Variants in ELMO1 observed in about 807,000 individuals in gnomAD.
ELMO1 encodes the protein engulfment and cell motility 1, also known as engulfment and cell motility protein 1.
In ELMO1, 26 loss-of-function variants were observed where a neutral mutation model predicts 98.9. That is an observed-to-expected ratio of 0.26 (90% CI 0.19 to 0.36). The LOEUF is 0.36. Ranked by LOEUF, ELMO1 falls within the 10% of genes least tolerant of loss-of-function variation. ELMO1 has a pLI of 1.00. For synonymous variants in ELMO1, 346 were observed against 346.0 expected, an observed-to-expected ratio of 1.00 and a Z score of 0.00; for missense variants, 627 against 935.2, an observed-to-expected ratio of 0.67 and a Z score of 4.30.
chr7:37,135,096 C>T lies in ELMO1; in HGVS notation c.1087-1862G>A, dbSNP rs769587367. Among the ~76,000 whole-genome samples the T allele has an allele frequency of 1.1e-4, 17 of 151,912 alleles. No homozygotes were observed. In the South Asian group the frequency reaches 1.7e-3, roughly 15 times the overall value. ...ACAAATATGCCTAAGAGGAGAAGGC[C>T]GGGCTGATCTGAACTCTCCATCTAC... is the stretch of plus-strand genomic sequence containing the variant. On this transcript the variant is annotated intron_variant, in intron 13 of 21. Coordinates refer to ENST00000310758, the MANE Select transcript of ELMO1 (RefSeq NM_014800.11).
At chr7:37,072,411 T>G (rs1797327184) in intron 15 of ELMO1, among the ~76,000 whole-genome samples, 1 of 152,062 alleles carries the variant, frequency 6.6e-6, no homozygotes, top group Non-Finnish European at 1.5e-5. Context: ...GCCATCCACG[T>G]ACGATGTGAC....
chr7:37,381,241 C>T (rs1359209538), intron 1 of ELMO1, among the ~76,000 whole-genome samples: 1 of 152,238 alleles, frequency 6.6e-6, no homozygotes, highest in Non-Finnish European at 1.5e-5. Context: ...AGAGTGAGAA[C>T]TGATCCCAGA....
rs1232150519 is a variant in ELMO1 at position 37,077,847 on chromosome 7, A to T, written c.1300+18772T>A. 2.0e-5 allele frequency among the ~76,000 whole-genome samples: 3 copies of T among 152,196 alleles called. No individual in the cohort carries two copies. In the East Asian group the frequency reaches 5.8e-4, roughly 29 times the overall value. On this transcript the variant is annotated intron_variant, in intron 15 of 21. Transcript: ENST00000310758. Reference sequence around the variant, plus strand: ...CTTCCAGTCTAACCCACTGTTAGGGAGAAATGATCCAGAGCATACGAGCAA... The same window carrying T: ...CTTCCAGTCTAACCCACTGTTAGGGTGAAATGATCCAGAGCATACGAGCAA...
At chr7:36,868,323 TCTG>T (rs201437575) in intron 20 of ELMO1, among the ~76,000 whole-genome samples, 1,406 of 133,556 alleles carry the variant, frequency 0.011, 25 homozygotes, top group African/African-American at 0.039. Context: ...TCCGCTTTGT[TCTG>T]CTTCTTCTTC....
chr7:36,919,072 G>A (rs1445803260), intron 16 of ELMO1, among the ~76,000 whole-genome samples: 1 of 152,106 alleles, frequency 6.6e-6, no homozygotes, highest in East Asian at 1.9e-4. Flanking sequence ...TAACTTATAG[G>A]AATTTAGCAT....
intron 15 of ELMO1, among the ~76,000 whole-genome samples, chr7:37,033,940 A>G (rs1795029500): frequency 6.6e-6 from 1 of 152,224 alleles, no homozygotes; most frequent in African/African-American, 2.4e-5. Context: ...TTAAGATAAG[A>G]GAGACAGTGC....
intron 15 of ELMO1, among the ~76,000 whole-genome samples, chr7:37,076,034 A>T (rs898728944): frequency 2.6e-5 from 4 of 152,304 alleles, no homozygotes; most frequent in Non-Finnish European, 4.4e-5. Context: ...CATTTGTACT[A>T]CATCCCAGTA....
At chr7:37,248,410 C>T (rs1183391753) in intron 6 of ELMO1, among the ~76,000 whole-genome samples, 5 of 151,850 alleles carry the variant, frequency 3.3e-5, no homozygotes, top group African/African-American at 1.2e-4. Flanking sequence ...GAGTGAAGGA[C>T]AAAGACGCAC....
chr7:37,289,752 T>TC (rs1227164556), intron 4 of ELMO1, among the ~76,000 whole-genome samples: 2 of 145,972 alleles, frequency 1.4e-5, no homozygotes, highest in Non-Finnish European at 3.0e-5. Context: ...GAGATTTTTT[T>TC]CCCTCTATCT....
chr7:37,363,967 C>G (rs927510665), intron 1 of ELMO1, among the ~76,000 whole-genome samples: 6 of 152,142 alleles, frequency 3.9e-5, no homozygotes, highest in Non-Finnish European at 8.8e-5. Flanking sequence ...GCAACACCAC[C>G]CACTCTCACC....
chr7:37,145,706 G>A (rs182584485), intron 13 of ELMO1, among the ~76,000 whole-genome samples: 10 of 152,356 alleles, frequency 6.6e-5, no homozygotes, highest in African/African-American at 1.2e-4. Context: ...ATGGCATAGC[G>A]TGGGGAAAGC....
At chr7:37,414,418 G>A (rs1486273832) in intron 1 of ELMO1, among the ~76,000 whole-genome samples, 2 of 152,160 alleles carry the variant, frequency 1.3e-5, no homozygotes, top group African/African-American at 4.8e-5. Flanking sequence ...GAGAGAGGAC[G>A]GATAAATTCA....
At chr7:37,070,419 C>T (rs1480008388) in intron 15 of ELMO1, among the ~76,000 whole-genome samples, 1 of 152,174 alleles carries the variant, frequency 6.6e-6, no homozygotes, top group East Asian at 1.9e-4. Flanking sequence ...TAGTAGAGGG[C>T]TAAGACCATA....
intron 16 of ELMO1, among the ~76,000 whole-genome samples, chr7:36,898,803 C>T (rs952078681): frequency 2.0e-5 from 3 of 152,174 alleles, no homozygotes; most frequent in Admixed American, 2.0e-4. Flanking sequence ...AGGAATGACG[C>T]GACACTGGAG....
chr7:37,165,294 T>G (rs1471694347), intron 13 of ELMO1, among the ~76,000 whole-genome samples: 5 of 152,074 alleles, frequency 3.3e-5, no homozygotes, highest in African/African-American at 4.8e-5. Context: ...AGGGACAATT[T>G]GACTTCCTCT....
intron 15 of ELMO1, among the ~76,000 whole-genome samples, chr7:37,037,826 T>C (rs764151064): frequency 6.6e-5 from 10 of 152,194 alleles, no homozygotes; most frequent in Non-Finnish European, 1.0e-4. Flanking sequence ...CGTGAATGTA[T>C]ATGGCTTCAA....
At chr7:37,352,044 A>G (rs2131299659) in intron 1 of ELMO1, among the ~76,000 whole-genome samples, 1 of 152,344 alleles carries the variant, frequency 6.6e-6, no homozygotes. Context: ...GGATTCTTGG[A>G]AAAAACTGAA....
At chr7:37,258,246 G>A (rs570513154) in intron 6 of ELMO1, among the ~76,000 whole-genome samples, 184 of 151,390 alleles carry the variant, frequency 1.2e-3, no homozygotes, top group Middle Eastern at 3.4e-3. Flanking sequence ...CCAGCCTGGC[G>A]ACAGAGTGAG....
intron 1 of ELMO1, among the ~76,000 whole-genome samples, chr7:37,349,834 G>T (rs1298948957): frequency 1.3e-5 from 2 of 152,206 alleles, no homozygotes; most frequent in African/African-American, 4.8e-5. Flanking sequence ...TTGGGTAAAA[G>T]TTTTGCTCTT....
Sources: allele counts gnomAD v4.1 joint callset (sites outside exome capture counted in the v4.1 genomes callset), GRCh38; gene constraint gnomAD v4.1.1; transcripts MANE v1.5; gene names NCBI Gene and HGNC (gene_info 2026-07-23, HGNC 2026-07-21).